The following FREM1 variants were observed in gnomAD, a reference collection of about 807,000 sequenced individuals.
FREM1 encodes FRAS1-related extracellular matrix protein 1.
A neutral mutation model predicts 210.1 loss-of-function variants in FREM1; 220 were observed. The observed-to-expected ratio is 1.05, with a 90% CI of 0.94 to 1.17. The LOEUF is 1.17. FREM1 is among the 50% of genes most tolerant of loss of function. FREM1 has a pLI of 0.00. For missense variants in FREM1, 3,454 were observed against 2,675.5 expected (o/e 1.29, Z -6.42); for synonymous variants, 1,189 against 980.2 (o/e 1.21, Z -3.98).
At chr9:14,906,324 A>G (rs930534070) in intron 1 of FREM1, among the ~76,000 whole-genome samples, 1 of 152,204 alleles carries the variant, frequency 6.6e-6, no homozygotes, top group Non-Finnish European at 1.5e-5. Flanking sequence ...CTGATTTAAC[A>G]TTCCGGCCCT....
Position 14,823,882 on chromosome 9 carries a change from G to A in FREM1, c.2169+143C>T, listed in dbSNP as rs1821831435. Reference sequence around the variant, plus strand: ...TGAAATAGATGCCACACACTTAATGGAAACATACAAGTAGCAAGTATAAAG... The same window carrying A: ...TGAAATAGATGCCACACACTTAATGAAAACATACAAGTAGCAAGTATAAAG... On this transcript the variant is annotated intron_variant, in intron 12 of 36. Coordinates refer to ENST00000380880, the MANE Select transcript of FREM1 (RefSeq NM_001379081.2). The A allele has an allele frequency of 8.5e-6, 4 of 468,996 alleles. 1 individual carries two copies. The highest frequency in any genetic ancestry group is 1.1e-5 in the Non-Finnish European group (3 of 264,590). 29.1% of individuals were successfully genotyped at this position (468,996 alleles called of 1,614,324 possible). A position where few individuals can be genotyped will look rare whatever the true frequency, so the allele number is the denominator to read the frequency against.
chr9:14,740,544 ATTAC>A (rs1194372620), intron 35 of FREM1, among the ~76,000 whole-genome samples: 3 of 152,196 alleles, frequency 2.0e-5, no homozygotes, highest in African/African-American at 7.2e-5. Flanking sequence ...ACTTATAACA[ATTAC>A]TTATTTAATG....
intron 1 of FREM1, among the ~76,000 whole-genome samples, chr9:14,885,670 T>A (rs1430590134): frequency 2.0e-5 from 3 of 152,112 alleles, no homozygotes; most frequent in African/African-American, 4.8e-5. Context: ...TATTCTTCCA[T>A]CTTAGCCTCC....
At chr9:14,759,677 T>A in intron 28 of FREM1, 95 bp downstream of exon 28, 1 of 1,217,388 alleles carries the variant, frequency 8.2e-7, no homozygotes, top group East Asian at 2.4e-5. Context: ...TGAAATTTCC[T>A]TGGTCACTCT....
chr9:14,752,657 G>T (rs1259040317), intron 29 of FREM1, among the ~76,000 whole-genome samples: 3 of 152,078 alleles, frequency 2.0e-5, no homozygotes, highest in African/African-American at 7.2e-5. Context: ...AATACAATTG[G>T]CATGAAAAGA....
Position 14,823,339 on chromosome 9 carries a change from G to C in FREM1, c.2170-12C>G, listed in dbSNP as rs778145981. On this transcript the variant is annotated splice_polypyrimidine_tract_variant and intron_variant, in intron 12 of 36. Transcript: ENST00000380880. ...TAGTTCACAGCATGCTGCAAAGTAA[G>C]TTGAGATGGATATGTGGGTGCTGAC... The C allele has an allele frequency of 1.2e-5, 20 of 1,609,562 alleles. No homozygotes were observed. Among genetic ancestry groups the C allele is most frequent in the South Asian group, 6.7e-5 (6 of 90,168 alleles).
At chr9:14,763,062 C>A (rs1430952924) in intron 27 of FREM1, among the ~76,000 whole-genome samples, 1 of 152,180 alleles carries the variant, frequency 6.6e-6, no homozygotes, top group Non-Finnish European at 1.5e-5. Context: ...GAGTGACGCT[C>A]ATTTTACAGT....
intron 8 of FREM1, among the ~76,000 whole-genome samples, chr9:14,845,059 G>A (rs866458326): frequency 2.1e-4 from 32 of 152,156 alleles, no homozygotes; most frequent in Admixed American, 2.6e-4. Flanking sequence ...CACAAATGAT[G>A]GTGAGAGTTA....
intron 1 of FREM1, among the ~76,000 whole-genome samples, chr9:14,879,100 T>G (rs1271087098): frequency 1.4e-5 from 2 of 142,628 alleles, no homozygotes; most frequent in African/African-American, 5.3e-5. Context: ...GAGGTTGCAG[T>G]AAGCCAAGAT....
At position 14,820,593 on chromosome 9, in the gene FREM1, C is replaced by T. The variant is rs1313068885; in HGVS notation, c.2338-1151G>A. ...TCCTTCTGGACACCACGGCACAGTG[C>T]TGGTACCAACTCCAGGCCACAGCCA... On this transcript the variant is annotated intron_variant, in intron 13 of 36. Transcript: ENST00000380880. Among the ~76,000 whole-genome samples the T allele has an allele frequency of 4.6e-5, 7 of 152,222 alleles. No individual in the cohort carries two copies. The East Asian group carries it at 1.2e-3, about 25-fold the overall frequency.
chr9:14,855,246 T>C (rs1303560247), intron 5 of FREM1, among the ~76,000 whole-genome samples: 2 of 152,114 alleles, frequency 1.3e-5, no homozygotes, highest in Non-Finnish European at 2.9e-5. Flanking sequence ...TGAAATTGTA[T>C]ACGTTATATC....
At chr9:14,780,706 G>T (rs79362928) in intron 24 of FREM1, among the ~76,000 whole-genome samples, 1 of 152,092 alleles carries the variant, frequency 6.6e-6, no homozygotes, top group Non-Finnish European at 1.5e-5. Flanking sequence ...AAAATGGAAG[G>T]GGGAAAATCC....
intron 24 of FREM1, chr9:14,784,127 T>C: frequency 2.6e-6 from 1 of 380,260 alleles, no homozygotes; most frequent in Non-Finnish European, 4.7e-6. Flanking sequence ...TCACCTTACA[T>C]ACAACAAGAC....
chr9:14,758,618 T>C (rs1387677681), intron 28 of FREM1, among the ~76,000 whole-genome samples: 5 of 145,904 alleles, frequency 3.4e-5, no homozygotes, highest in African/African-American at 1.3e-4. Context: ...AATTGAGACT[T>C]AATAGAAATG....
chr9:14,792,837 C>A lies in FREM1; in HGVS notation c.3887G>T (p.Ser1296Ile). Residue 1296 changes from serine to isoleucine, a missense_variant, in exon 22 of 37, where the codon AGT becomes ATT. By Grantham distance (142) the Ser-to-Ile change is moderately radical (BLOSUM62 -2). Coordinates refer to ENST00000380880, the MANE Select transcript of FREM1 (RefSeq NM_001379081.2). ...MNMGETRIIS[S>I]AILSAIDEDS... ...TTCATCTATGGCTGAAAGAATAGCA[C>A]TGGAAATAATACGAGTTTCACCCAT... 1.2e-6 allele frequency: 2 copies of A among 1,600,158 alleles called. No homozygotes were observed. Among genetic ancestry groups the A allele is most frequent in the Non-Finnish European group, 8.5e-7 (1 of 1,171,968 alleles).
chr9:14,864,621 A>C (rs1831179404), intron 2 of FREM1, among the ~76,000 whole-genome samples: 1 of 152,222 alleles, frequency 6.6e-6, no homozygotes, highest in Non-Finnish European at 1.5e-5. Flanking sequence ...GTTAACTGTT[A>C]TATTTTGGGA....
At chr9:14,893,270 T>G (rs1837182601) in intron 1 of FREM1, among the ~76,000 whole-genome samples, 3 of 152,262 alleles carry the variant, frequency 2.0e-5, no homozygotes, top group African/African-American at 7.2e-5. Context: ...GAGGCTAGTC[T>G]TAAACTGTAG....
chr9:14,771,935 A>G (rs998251607), intron 25 of FREM1, among the ~76,000 whole-genome samples: 2 of 152,040 alleles, frequency 1.3e-5, no homozygotes, highest in African/African-American at 4.8e-5. Context: ...TTAAAAATAT[A>G]TATTTATCTA....
At position 14,857,625 on chromosome 9, in the gene FREM1, G is replaced by C; in HGVS notation, c.756C>G (p.Pro252=). Residue 252 remains proline (P), a synonymous_variant, in exon 5 of 37, where the codon CCC becomes CCG. Coordinates refer to ENST00000380880, the MANE Select transcript of FREM1 (RefSeq NM_001379081.2). ...AGATATAATCAATGTTGGGTGAAGG[G>C]GGATCCAGATGCTGATAACGAAGGC... ...LMGLRYQHLD[P]PSPNIDYISI... 1 of 1,613,818 alleles carries C rather than the reference G, an allele frequency of 6.2e-7. No individual in the cohort carries two copies. The highest frequency in any genetic ancestry group is 8.5e-7 in the Non-Finnish European group (1 of 1,179,846).
Sources: allele counts gnomAD v4.1 joint callset (sites outside exome capture counted in the v4.1 genomes callset), GRCh38; gene constraint gnomAD v4.1.1; transcripts MANE v1.5; gene names NCBI Gene and HGNC (gene_info 2026-07-23, HGNC 2026-07-21).